The following SPTLC3 variants were observed in gnomAD, a reference collection of about 807,000 sequenced individuals.
SPTLC3 encodes the protein serine palmitoyltransferase 3.
In SPTLC3, 36 loss-of-function variants were observed where a neutral mutation model predicts 59.3. The observed-to-expected ratio is 0.61, with a 90% CI of 0.47 to 0.80. SPTLC3 has a LOEUF of 0.80. Among genes scored for constraint, SPTLC3 ranks in the 30% least tolerant of loss-of-function variants. SPTLC3 has a pLI of 0.00. For synonymous variants in SPTLC3, 257 were observed against 240.8 expected (o/e 1.07, Z -0.62); for missense variants, 625 against 685.1 (o/e 0.91, Z 0.98).
intron 2 of SPTLC3, among the ~76,000 whole-genome samples, chr20:13,060,012 T>A (rs1291518199): frequency 1.3e-5 from 2 of 152,190 alleles, no homozygotes; most frequent in Admixed American, 1.3e-4. Context: ...AACTTCGTAC[T>A]TTCCCCTTTC....
intron 1 of SPTLC3, among the ~76,000 whole-genome samples, chr20:13,011,265 C>T (rs1404853461): frequency 1.3e-5 from 2 of 152,122 alleles, no homozygotes; most frequent in Non-Finnish European, 2.9e-5. Flanking sequence ...ATCCTTGGGA[C>T]CCTTTAACAA....
intron 4 of SPTLC3, among the ~76,000 whole-genome samples, chr20:13,078,080 T>C (rs1277717375): frequency 6.7e-6 from 1 of 149,056 alleles, no homozygotes; most frequent in Non-Finnish European, 1.5e-5. Context: ...AATACATTAC[T>C]ATTACTTTAT....
chr20:13,154,257 G>C, intron 10 of SPTLC3, 119 bp downstream of exon 10: 2 of 1,312,218 alleles, frequency 1.5e-6, no homozygotes, highest in South Asian at 1.4e-5. Context: ...GAATTCACTC[G>C]TACGGCTTCT....
At chr20:13,091,622 G>A (rs982579782) in intron 5 of SPTLC3, among the ~76,000 whole-genome samples, 9 of 151,772 alleles carry the variant, frequency 5.9e-5, no homozygotes, top group Admixed American at 3.9e-4. Context: ...GGTTCTTTTC[G>A]TAGGAGAAAC....
rs931747186 is a variant in SPTLC3 at position 13,009,389 on chromosome 20, G to A, written c.117+5G>A. On this transcript the variant is annotated splice_donor_5th_base_variant and intron_variant, in intron 1 of 11. Coordinates refer to ENST00000399002, the MANE Select transcript of SPTLC3 (RefSeq NM_018327.4). ...GGAATAGTGAAGGAAGCCCAGGTAA[G>A]AGGCACTCTCCCCTACTCTTCTCTG... The A allele has an allele frequency of 1.9e-6, 3 of 1,610,554 alleles. No individual in the cohort carries two copies. Among genetic ancestry groups the A allele is most frequent in the Admixed American group, 3.3e-5 (2 of 59,982 alleles).
chr20:13,074,903 G>A (rs1988587715), intron 4 of SPTLC3, among the ~76,000 whole-genome samples: 1 of 152,184 alleles, frequency 6.6e-6, no homozygotes. Context: ...TGGACTTGTG[G>A]AATGTTGCAC....
intron 8 of SPTLC3, among the ~76,000 whole-genome samples, chr20:13,119,583 T>G (rs2122754696): frequency 6.6e-6 from 1 of 152,340 alleles, no homozygotes; most frequent in East Asian, 1.9e-4. Context: ...ATTTTATGCA[T>G]ATTTGGATAC....
chr20:13,127,871 T>A (rs891034591), intron 9 of SPTLC3, among the ~76,000 whole-genome samples: 1 of 152,170 alleles, frequency 6.6e-6, no homozygotes, highest in Non-Finnish European at 1.5e-5. Context: ...TGCATCCTAT[T>A]GGTTGGTCTT....
In SPTLC3 at chr20:13,049,134, C is replaced by T. The variant is rs770021804; in HGVS notation, c.303+4C>T. The T allele has an allele frequency of 1.9e-5, 30 of 1,612,324 alleles. No individual in the cohort carries two copies. The highest frequency in any genetic ancestry group is 6.7e-5 in the Admixed American group (4 of 59,858). ...TGTGGAAAGAAAAGAACAAAAAGTA[C>T]GTATGCGCACCTCCCTGGATCTTTG... On this transcript the variant is annotated splice_donor_region_variant and intron_variant, in intron 2 of 11. Coordinates refer to ENST00000399002, the MANE Select transcript of SPTLC3 (RefSeq NM_018327.4).
At chr20:13,022,684 T>A (rs953264628) in intron 1 of SPTLC3, among the ~76,000 whole-genome samples, 2 of 152,108 alleles carry the variant, frequency 1.3e-5, no homozygotes, top group African/African-American at 4.8e-5. Context: ...GGGGAGGAGA[T>A]TAGCCTGTCT....
intron 10 of SPTLC3, among the ~76,000 whole-genome samples, chr20:13,155,692 G>T (rs1053417525): frequency 6.6e-6 from 1 of 151,734 alleles, no homozygotes; most frequent in East Asian, 1.9e-4. Flanking sequence ...CGGGCGTGGT[G>T]GTGGGTGCCT....
At chr20:13,023,798 T>C (rs2122399021) in intron 1 of SPTLC3, among the ~76,000 whole-genome samples, 1 of 152,306 alleles carries the variant, frequency 6.6e-6, no homozygotes, top group Non-Finnish European at 1.5e-5. Context: ...CTTTAAGCAG[T>C]GGAACTTTTT....
chr20:13,026,862 C>T (rs79690816), intron 1 of SPTLC3, among the ~76,000 whole-genome samples: 13,082 of 152,160 alleles, frequency 0.086, 753 homozygotes, highest in African/African-American at 0.16. Context: ...AACTGGAGCC[C>T]GTTCTTCCCT....
At chr20:13,118,054 T>TAAACCATCTA in intron 8 of SPTLC3, among the ~76,000 whole-genome samples, 1 of 152,280 alleles carries the variant, frequency 6.6e-6, no homozygotes, top group African/African-American at 2.4e-5. Flanking sequence ...AATATCCATC[T>TAAACCATCTA]GGTAGACAAA....
At chr20:13,155,405 T>TA (rs1381667509) in intron 10 of SPTLC3, among the ~76,000 whole-genome samples, 1 of 152,120 alleles carries the variant, frequency 6.6e-6, no homozygotes, top group Non-Finnish European at 1.5e-5. Flanking sequence ...AAAGTACCAA[T>TA]AAAAGAGGTT....
chr20:13,132,161 C>A (rs1422663287), intron 9 of SPTLC3, among the ~76,000 whole-genome samples: 1 of 149,984 alleles, frequency 6.7e-6, no homozygotes, highest in African/African-American at 2.5e-5. Context: ...ATTCTCCTCA[C>A]CTTGCTTTAA....
chr20:13,034,226 G>C (rs1986632082), intron 1 of SPTLC3, among the ~76,000 whole-genome samples: 1 of 152,118 alleles, frequency 6.6e-6, no homozygotes, highest in East Asian at 1.9e-4. Context: ...TATATGTACT[G>C]AGTTTCCCAA....
chr20:13,018,864 C>A (rs1051451032), intron 1 of SPTLC3, among the ~76,000 whole-genome samples: 4 of 152,146 alleles, frequency 2.6e-5, no homozygotes, highest in Admixed American at 1.3e-4. Flanking sequence ...GTATTACAAT[C>A]TATAAATTTA....
At position 13,009,283 on chromosome 20, in the gene SPTLC3, G is replaced by A. The variant is rs1436892349; in HGVS notation, c.16G>A (p.Gly6Ser). MANPG[G>S]GAVCNGKLHN... ...CTTCACACCCATGGCTAACCCTGGA[G>A]GTGGTGCTGTTTGCAACGGGAAACT... Residue 6 changes from glycine (G) to serine (S), a missense_variant, in exon 1 of 12, where the codon GGT (glycine) becomes AGT (serine). Transcript: ENST00000399002. 6.2e-7 allele frequency: 1 copy of A among 1,613,958 alleles called. No individual in the cohort carries two copies. Among genetic ancestry groups the A allele is most frequent in the Non-Finnish European group, 8.5e-7 (1 of 1,179,970 alleles).
Sources: gnomAD v4.1 joint callset for allele counts (sites outside exome capture counted in the v4.1 genomes callset) on GRCh38, gnomAD v4.1.1 for gene constraint, MANE v1.5 for transcripts, NCBI Gene and HGNC (gene_info 2026-07-23, HGNC 2026-07-21) for gene names.